ANKRD36: variants seen among roughly 807,000 people sequenced by gnomAD.
The protein encoded by ANKRD36 is ankyrin repeat domain-containing protein 36A.
Under a neutral mutation model 278.1 loss-of-function variants are expected in ANKRD36, and 179 were observed. The observed-to-expected ratio is 0.64, with a 90% CI of 0.57 to 0.73. The LOEUF is 0.73. Ranked by LOEUF, ANKRD36 falls within the 30% of genes least tolerant of loss-of-function variation. The probability of loss-of-function intolerance (pLI) is 0.00; values close to 1 mark genes in which losing one functional copy is unlikely to be tolerated. For synonymous variants in ANKRD36, 320 were observed against 641.1 expected, an observed-to-expected ratio of 0.50 and a Z score of 7.57; for missense variants, 1,159 against 1,956.7, an observed-to-expected ratio of 0.59 and a Z score of 7.69.
chr2:97,194,747 C>G lies in ANKRD36; in HGVS notation c.2471C>G (p.Ala824Gly). 6.2e-7 allele frequency: 1 copy of G among 1,604,606 alleles called. No homozygotes were observed. Among genetic ancestry groups the G allele is most frequent in the Non-Finnish European group, 8.5e-7 (1 of 1,178,586 alleles). Residue 824 changes from alanine (A) to glycine (G), a missense_variant, in exon 39 of 76, where the codon GCC becomes GGC. Ala to Gly is a moderately conservative substitution (Grantham distance 60). Coordinates refer to ENST00000420699, the MANE Select transcript of ANKRD36 (RefSeq NM_001354587.1). ...SRTVSSRKKP[A>G]LKATSDEKDS... ...TCAGTGTCTTCTCGGAAAAAACCAG[C>G]CTTGAAGGTAATGAAACTCTCATTC...
chr2:97,141,473 G>A (rs1310001480), intron 6 of ANKRD36, among the ~76,000 whole-genome samples: 5 of 134,326 alleles, frequency 3.7e-5, no homozygotes, highest in African/African-American at 1.4e-4. Flanking sequence ...TTTAAATTAT[G>A]ACTCTAAGTA....
At chr2:97,222,501 C>T (rs1339740342) in intron 66 of ANKRD36, among the ~76,000 whole-genome samples, 2 of 152,076 alleles carry the variant, frequency 1.3e-5, no homozygotes, top group Non-Finnish European at 2.9e-5. Context: ...TAATGCCTGC[C>T]ATTTGGATAA....
At chr2:97,226,196 C>A (rs1351142331) in intron 67 of ANKRD36, among the ~76,000 whole-genome samples, 1 of 151,388 alleles carries the variant, frequency 6.6e-6, no homozygotes, top group Non-Finnish European at 1.5e-5. Context: ...TGAGGAATCG[C>A]CACACTGACT....
In ANKRD36 at chr2:97,200,191, G is replaced by C. The variant is rs1160185664; in HGVS notation, c.2756-143G>C. 5.4e-6 allele frequency: 8 copies of C among 1,484,740 alleles called. No individual in the cohort carries two copies. The East Asian group carries it at 1.2e-4, about 22-fold the overall frequency. 92.0% of individuals were successfully genotyped at this position (1,484,740 alleles called of 1,614,324 possible). ...TTTCAGTGTATTTCTGTCATGTTCT[G>C]ATCCCCAGACACAAAGTAGAAGCCA... On this transcript the variant is annotated intron_variant, in intron 44 of 75. Transcript: ENST00000420699.
At chr2:97,194,182 A>G (rs1041575153) in intron 38 of ANKRD36, among the ~76,000 whole-genome samples, 3 of 151,692 alleles carry the variant, frequency 2.0e-5, no homozygotes, top group African/African-American at 7.3e-5. Context: ...AGGTATCAGC[A>G]AACAGATATC....
chr2:97,135,543 G>A (rs992192845), intron 6 of ANKRD36, among the ~76,000 whole-genome samples: 7 of 150,692 alleles, frequency 4.6e-5, no homozygotes, highest in African/African-American at 1.7e-4. Context: ...TGAGGCAAAT[G>A]CAGTAGGCAT....
At chr2:97,221,512 A>G (rs1461576453) in intron 66 of ANKRD36, among the ~76,000 whole-genome samples, 3 of 119,898 alleles carry the variant, frequency 2.5e-5, no homozygotes, top group Non-Finnish European at 3.3e-5. Flanking sequence ...TTTGATTTGC[A>G]TTTCTCTGAT....
At chr2:97,123,284 A>G (rs1353016288) in intron 4 of ANKRD36, among the ~76,000 whole-genome samples, 1 of 145,192 alleles carries the variant, frequency 6.9e-6, no homozygotes, top group Admixed American at 7.1e-5. Context: ...TATTTGTAAT[A>G]TGATGTGGTG....
intron 3 of ANKRD36, among the ~76,000 whole-genome samples, chr2:97,122,239 A>G (rs1447138339): frequency 1.5e-5 from 2 of 129,300 alleles, no homozygotes; most frequent in African/African-American, 5.1e-5. Flanking sequence ...TATCCCTGAA[A>G]CTCTCATTTC....
intron 69 of ANKRD36, among the ~76,000 whole-genome samples, chr2:97,242,058 GA>G (rs1269015039): frequency 7.2e-6 from 1 of 138,532 alleles, no homozygotes; most frequent in Non-Finnish European, 1.5e-5. Context: ...TTGGTAGGCC[GA>G]GGTGGGCAGA....
At chr2:97,141,785 A>C (rs1298273160) in intron 6 of ANKRD36, among the ~76,000 whole-genome samples, 2 of 151,794 alleles carry the variant, frequency 1.3e-5, no homozygotes, top group Non-Finnish European at 2.9e-5. Flanking sequence ...AAACCAGACT[A>C]TTTTAGAAAC....
At chr2:97,195,729 A>G (rs549589039) in intron 40 of ANKRD36, among the ~76,000 whole-genome samples, 1 of 152,100 alleles carries the variant, frequency 6.6e-6, no homozygotes, top group South Asian at 2.1e-4. Flanking sequence ...ATAACATGAT[A>G]CTGCCAACAA....
In ANKRD36 at chr2:97,209,937, A is replaced by G. The variant is rs1295802345; in HGVS notation, c.3367+65A>G. On this transcript the variant is annotated intron_variant, in intron 56 of 75. Transcript: ENST00000420699. ...ATAGGTAAGAAATTCTCTTCCCTGAATAAATCAGCGGAGGGCTCGTTGAAG... is the reference window on the plus strand; with the variant it reads ...ATAGGTAAGAAATTCTCTTCCCTGAGTAAATCAGCGGAGGGCTCGTTGAAG... The G allele has an allele frequency of 3.9e-6, 6 of 1,523,584 alleles. No individual in the cohort carries two copies. In the African/African-American group the frequency reaches 4.2e-5, roughly 11 times the overall value. 94.4% of individuals were successfully genotyped at this position (1,523,584 alleles called of 1,614,324 possible).
chr2:97,132,855 G>A (rs1370292350), intron 6 of ANKRD36, among the ~76,000 whole-genome samples: 6 of 152,034 alleles, frequency 3.9e-5, no homozygotes, highest in Admixed American at 2.6e-4. Context: ...CTGTAGCTTC[G>A]AATTTTGACA....
At chr2:97,197,898 A>G (rs1485932081) in intron 42 of ANKRD36, among the ~76,000 whole-genome samples, 2 of 151,902 alleles carry the variant, frequency 1.3e-5, no homozygotes, top group African/African-American at 4.8e-5. Flanking sequence ...AGAGATAATG[A>G]GTATTATCTA....
intron 62 of ANKRD36, chr2:97,216,498 C>T (rs2065960060): frequency 6.2e-6 from 1 of 162,520 alleles, no homozygotes; most frequent in Non-Finnish European, 1.3e-5. Context: ...TTTATTGAGG[C>T]TAATATATTA....
At chr2:97,150,934 A>G (rs909860429) in intron 12 of ANKRD36, among the ~76,000 whole-genome samples, 1 of 151,966 alleles carries the variant, frequency 6.6e-6, no homozygotes, top group African/African-American at 2.4e-5. Context: ...TTTTCAGATC[A>G]ATCATCATGG....
chr2:97,220,695 G>C (rs1435636051), intron 66 of ANKRD36, among the ~76,000 whole-genome samples: 1 of 142,950 alleles, frequency 7.0e-6, no homozygotes, highest in Admixed American at 7.1e-5. Flanking sequence ...AACATGTCAG[G>C]ACAGATTTCT....
intron 5 of ANKRD36, among the ~76,000 whole-genome samples, chr2:97,126,632 A>AATACCTGTTGGCTATAG (rs2038727446): frequency 6.6e-6 from 1 of 152,014 alleles, no homozygotes; most frequent in Non-Finnish European, 1.5e-5. Flanking sequence ...TTCAAGAACA[A>AATACCTGTTGGCTATAG]ACTCCACTGC....
Sources: allele counts gnomAD v4.1 joint callset (sites outside exome capture counted in the v4.1 genomes callset), GRCh38; gene constraint gnomAD v4.1.1; transcripts MANE v1.5; gene names NCBI Gene and HGNC (gene_info 2026-07-23, HGNC 2026-07-21).